Variants in XPO6 observed in about 807,000 individuals in gnomAD.
XPO6 encodes the protein exportin 6.
XPO6 carries 3 observed loss-of-function variants against 130.0 expected under a neutral mutation model. That is an observed-to-expected ratio of 0.02 (90% CI 0.01 to 0.06). The LOEUF is 0.06. Among genes scored for constraint, XPO6 ranks in the 10% least tolerant of loss-of-function variants. The pLI is 1.00. For synonymous variants in XPO6, 524 were observed against 548.9 expected (o/e 0.95, Z 0.63); for missense variants, 970 against 1,393.0 (o/e 0.70, Z 4.83).
intron 1 of XPO6, among the ~76,000 whole-genome samples, chr16:28,210,731 T>C (rs1277333217): frequency 1.3e-5 from 2 of 152,162 alleles, no homozygotes; most frequent in Non-Finnish European, 2.9e-5. Flanking sequence ...TCAGAGCATG[T>C]AGAATAGCAG....
intron 6 of XPO6, among the ~76,000 whole-genome samples, chr16:28,158,795 G>A (rs532625325): frequency 4.6e-5 from 7 of 152,202 alleles, no homozygotes; most frequent in African/African-American, 1.7e-4. Flanking sequence ...AGGAATCTGT[G>A]TTCTTATAAG....
intron 4 of XPO6, 114 bp from the exon 5 acceptor site, chr16:28,170,023 A>G (rs1027656172): frequency 7.4e-7 from 1 of 1,355,796 alleles, no homozygotes; most frequent in African/African-American, 1.5e-5. Flanking sequence ...CATGAACATA[A>G]ATCAACACTT....
rs375307914 is a variant in XPO6 at position 28,112,051 on chromosome 16, A to C, written c.2152-45T>G. 8.0e-4 allele frequency: 1,253 copies of C among 1,565,806 alleles called. 3 individuals carry two copies. Among genetic ancestry groups the C allele is most frequent in the Non-Finnish European group, 8.9e-4 (1,027 of 1,153,396 alleles). ...CATCCATCAGAGGTCAGAGCCAAAG[A>C]CCGTGGTGCGGCATGCCCAACACAG... On this transcript the variant is annotated intron_variant, in intron 16 of 23. Transcript: ENST00000304658.
chr16:28,202,123 G>A (rs184720988), intron 1 of XPO6, among the ~76,000 whole-genome samples: 1 of 152,306 alleles, frequency 6.6e-6, no homozygotes, highest in African/African-American at 2.4e-5. Flanking sequence ...GAGTGTTCTG[G>A]GAATGACAAA....
chr16:28,133,293 C>A (rs750995794), intron 11 of XPO6, among the ~76,000 whole-genome samples: 6 of 151,910 alleles, frequency 3.9e-5, no homozygotes, highest in Non-Finnish European at 8.8e-5. Context: ...GCCAAGATCA[C>A]GCCACTGCAC....
intron 6 of XPO6, among the ~76,000 whole-genome samples, chr16:28,157,540 G>A (rs535411004): frequency 6.6e-6 from 1 of 152,202 alleles, no homozygotes; most frequent in African/African-American, 2.4e-5. Flanking sequence ...AACAGACTGT[G>A]AGAAGATATT....
chr16:28,153,773 A>G, intron 7 of XPO6: 2 of 985,460 alleles, frequency 2.0e-6, no homozygotes, highest in South Asian at 9.4e-5. Flanking sequence ...AATGGCTAAA[A>G]GCAATTCTGA....
chr16:28,203,053 A>T (rs1156470515), intron 1 of XPO6, among the ~76,000 whole-genome samples: 1 of 152,218 alleles, frequency 6.6e-6, no homozygotes, highest in East Asian at 1.9e-4. Flanking sequence ...AGGCCGGAGG[A>T]TCACTTGAGC....
At chr16:28,114,346 GA>G (rs1477859806) in intron 15 of XPO6, among the ~76,000 whole-genome samples, 2 of 152,052 alleles carry the variant, frequency 1.3e-5, no homozygotes, top group Admixed American at 1.3e-4. Context: ...CATAAAAAGA[GA>G]AAAAAGTCTG....
At position 28,152,589 on chromosome 16, in the gene XPO6, T is replaced by G. The variant is rs2043114725; in HGVS notation, c.1224+70A>C. On this transcript the variant is annotated intron_variant, in intron 8 of 23. Transcript: ENST00000304658. ...TGGAAAATAAAGTTGAAAGAAAAAG[T>G]TCTTTCTTCTCAAAGTAACAAGGTA... 4 of 1,537,854 alleles carry G rather than the reference T, an allele frequency of 2.6e-6. No individual in the cohort carries two copies. In the South Asian group the frequency reaches 3.7e-5, roughly 14 times the overall value.
At chr16:28,125,964 A>T in intron 12 of XPO6, 116 bp from the exon 13 acceptor site, 1 of 1,355,636 alleles carries the variant, frequency 7.4e-7, no homozygotes, top group South Asian at 1.3e-5. Flanking sequence ...CCAATTCGCG[A>T]AACAAAGCAA....
At chr16:28,207,044 C>T (rs565143124) in intron 1 of XPO6, among the ~76,000 whole-genome samples, 8 of 151,758 alleles carry the variant, frequency 5.3e-5, no homozygotes, top group South Asian at 2.1e-4. Flanking sequence ...GTCTGGAGTT[C>T]GAGACCAGCC....
intron 8 of XPO6, among the ~76,000 whole-genome samples, chr16:28,151,350 G>A (rs933654601): frequency 5.9e-5 from 9 of 152,148 alleles, no homozygotes; most frequent in Non-Finnish European, 8.8e-5. Context: ...ATCAGCAGGG[G>A]AGTGAACTTG....
chr16:28,109,116 A>G (rs1458716586), intron 17 of XPO6, among the ~76,000 whole-genome samples: 1 of 152,158 alleles, frequency 6.6e-6, no homozygotes, highest in Non-Finnish European at 1.5e-5. Flanking sequence ...ACCAACAGTC[A>G]AGAGACCAAA....
intron 2 of XPO6, among the ~76,000 whole-genome samples, chr16:28,177,968 CG>C (rs1567640513): frequency 6.6e-6 from 1 of 152,136 alleles, no homozygotes; most frequent in East Asian, 1.9e-4. Context: ...CCACACATCA[CG>C]TTGGTTAGAA....
intron 1 of XPO6, among the ~76,000 whole-genome samples, chr16:28,183,110 C>T (rs1366932467): frequency 1.3e-5 from 2 of 152,156 alleles, no homozygotes. Flanking sequence ...TCCAGGCAAT[C>T]AACCACCACC....
intron 2 of XPO6, among the ~76,000 whole-genome samples, chr16:28,179,604 G>C (rs550880574): frequency 7.0e-4 from 106 of 152,168 alleles, no homozygotes; most frequent in Non-Finnish European, 1.3e-3. Flanking sequence ...CGAGGTCCCT[G>C]CTAACAGCTC....
chr16:28,167,197 C>A, intron 5 of XPO6: 1 of 985,440 alleles, frequency 1.0e-6, no homozygotes, highest in Non-Finnish European at 1.2e-6. Flanking sequence ...CTCTGCCTCA[C>A]ACGATGGGGG....
chr16:28,105,484 G>T (rs561405978), intron 20 of XPO6, among the ~76,000 whole-genome samples: 8 of 152,162 alleles, frequency 5.3e-5, no homozygotes, highest in Non-Finnish European at 8.8e-5. Context: ...AGTGCATTTC[G>T]TAATGCACAG....
Sources: gnomAD v4.1 joint callset for allele counts (sites outside exome capture counted in the v4.1 genomes callset) on GRCh38, gnomAD v4.1.1 for gene constraint, MANE v1.5 for transcripts, NCBI Gene and HGNC (gene_info 2026-07-23, HGNC 2026-07-21) for gene names.